BANK1: variants seen among roughly 807,000 people sequenced by gnomAD.
The protein encoded by BANK1 is B-cell scaffold protein with ankyrin repeats.
In BANK1, 95 loss-of-function variants were observed where a neutral mutation model predicts 94.5. The ratio of observed to expected loss-of-function variants is 1.00; its 90% CI spans 0.85 to 1.19. The LOEUF (loss-of-function observed/expected upper bound fraction) is 1.19, where lower values mean the gene tolerates loss of function less well. BANK1 is among the 50% of genes most tolerant of loss of function. BANK1 has a pLI of 0.00. For missense variants in BANK1, 987 were observed against 932.2 expected (o/e 1.06, Z -0.77); for synonymous variants, 334 against 308.4 (o/e 1.08, Z -0.87).
intron 7 of BANK1, among the ~76,000 whole-genome samples, chr4:101,960,136 G>A (rs1014681763): frequency 6.6e-6 from 1 of 152,060 alleles, no homozygotes; most frequent in Non-Finnish European, 1.5e-5. Flanking sequence ...TAAAAAACTA[G>A]GAGGGCATTT....
chr4:101,794,201 T>A (rs1271668017), intron 1 of BANK1, among the ~76,000 whole-genome samples: 4 of 152,082 alleles, frequency 2.6e-5, no homozygotes, highest in African/African-American at 7.2e-5. Context: ...TTCTCATATC[T>A]CAGAGTACCA....
chr4:101,922,649 G>A (rs139963982), intron 7 of BANK1, among the ~76,000 whole-genome samples: 7 of 151,736 alleles, frequency 4.6e-5, no homozygotes, highest in African/African-American at 9.7e-5. Context: ...GTTTAGTTTC[G>A]GAGACTTCAT....
chr4:101,798,007 A>G (rs1011296748), intron 1 of BANK1, among the ~76,000 whole-genome samples: 20 of 152,220 alleles, frequency 1.3e-4, no homozygotes, highest in African/African-American at 4.8e-4. Context: ...GAGAGGCTAA[A>G]AAGAAGGAAA....
intron 5 of BANK1, among the ~76,000 whole-genome samples, chr4:101,889,884 G>T (rs1028443037): frequency 1.3e-5 from 2 of 151,994 alleles, no homozygotes; most frequent in South Asian, 2.1e-4. Flanking sequence ...TCAGTTTAAT[G>T]TATTTTTAAA....
In BANK1 at chr4:101,862,581, A is replaced by G; in HGVS notation, c.680A>G (p.Glu227Gly). ...LRDEVIGDTVEVEFTSSNKRI... is the reference protein window; with the variant it reads ...LRDEVIGDTVGVEFTSSNKRI... ...GATGAAGTAATTGGTGATACTGTAGAGGTTGAATTTACATCAAGTAATAAG... is the reference window on the plus strand; with the variant it reads ...GATGAAGTAATTGGTGATACTGTAGGGGTTGAATTTACATCAAGTAATAAG... The change falls in exon 4 of 17, where the codon GAG becomes GGG. Residue 227 changes from glutamate (E) to glycine (G), a missense_variant. Coordinates refer to ENST00000322953, the MANE Select transcript of BANK1 (RefSeq NM_017935.5). 1.2e-6 allele frequency: 2 copies of G among 1,611,244 alleles called. No individual in the cohort carries two copies. The highest frequency in any genetic ancestry group is 2.7e-5 in the African/African-American group (2 of 74,928).
chr4:101,912,398 C>A (rs926202297), intron 6 of BANK1, among the ~76,000 whole-genome samples: 2 of 151,954 alleles, frequency 1.3e-5, no homozygotes, highest in African/African-American at 4.8e-5. Flanking sequence ...TGTTTTTATG[C>A]CTTCTTTCTG....
At chr4:102,048,107 G>A (rs573414830) in intron 11 of BANK1, among the ~76,000 whole-genome samples, 2 of 152,082 alleles carry the variant, frequency 1.3e-5, no homozygotes, top group Admixed American at 6.6e-5. Flanking sequence ...TTTTTTCTGT[G>A]TACATACTTA....
intron 7 of BANK1, among the ~76,000 whole-genome samples, chr4:101,994,845 G>T (rs1039335502): frequency 9.9e-5 from 15 of 152,130 alleles, no homozygotes; most frequent in African/African-American, 3.6e-4. Flanking sequence ...TCACAGCTGA[G>T]AAGCCAATCA....
At chr4:102,056,728 A>C (rs1017319824) in intron 11 of BANK1, among the ~76,000 whole-genome samples, 1 of 152,128 alleles carries the variant, frequency 6.6e-6, no homozygotes, top group African/African-American at 2.4e-5. Context: ...ATCAAATACC[A>C]GGTGTGGTGG....
Position 102,030,150 on chromosome 4 carries a change from G to C in BANK1, c.1785G>C (p.Leu595=). 1 of 1,614,036 alleles carries C rather than the reference G, an allele frequency of 6.2e-7. No homozygotes were observed. The change falls in exon 10 of 17, where the codon CTG becomes CTC. Residue 595 remains leucine (L), a synonymous_variant. Transcript: ENST00000322953. ...DSEYDMILAN[L]SIKKKTGSRS... ...AATATGACATGATATTGGCCAATCT[G>C]AGTATAAAGAAAAAAACTGGGAGTC...
rs149207295 is a variant in BANK1, at chr4:102,013,867, G to A, written c.1207-7647G>A. 7.8e-3 allele frequency among the ~76,000 whole-genome samples: 1,193 copies of A among 152,042 alleles called. 3 individuals carry two copies. The highest frequency in any genetic ancestry group is 0.014 in the Middle Eastern group (4 of 294). On this transcript the variant is annotated intron_variant, in intron 7 of 16. Transcript: ENST00000322953. ...CATAAAAATTATTTTTTAACAAAAC[G>A]ACAATTTTAAGGCAGATAATAGAGA...
At chr4:101,894,895 A>C (rs913634129) in intron 5 of BANK1, among the ~76,000 whole-genome samples, 4 of 152,040 alleles carry the variant, frequency 2.6e-5, no homozygotes, top group African/African-American at 9.6e-5. Context: ...CTTAAGTTGA[A>C]GAAAAAGACT....
At chr4:101,816,134 GT>G (rs1299378609) in intron 1 of BANK1, among the ~76,000 whole-genome samples, 1 of 152,132 alleles carries the variant, frequency 6.6e-6, no homozygotes, top group Non-Finnish European at 1.5e-5. Context: ...AGCTCTAAAA[GT>G]TTTCAGTGGG....
At chr4:101,934,240 TATTA>T (rs1315899373) in intron 7 of BANK1, among the ~76,000 whole-genome samples, 2 of 151,458 alleles carry the variant, frequency 1.3e-5, no homozygotes, top group Non-Finnish European at 3.0e-5. Context: ...AACAGCTTAG[TATTA>T]ATTTTTTTTT....
rs184609940 is a variant in BANK1 at position 101,906,496 on chromosome 4, T to A, written c.1009+11086T>A. ...TTTTTGCCCAGTGTCCTCTGGAAAA[T>A]AAAGATCTGGAGGGTCTTTTTCTTC... On this transcript the variant is annotated intron_variant, in intron 6 of 16. Coordinates refer to ENST00000322953, the MANE Select transcript of BANK1 (RefSeq NM_017935.5). Among the ~76,000 whole-genome samples the A allele has an allele frequency of 3.9e-3, 590 of 152,150 alleles. 8 individuals are homozygous for A. Among genetic ancestry groups the A allele is most frequent in the African/African-American group, 0.014 (564 of 41,514 alleles).
In BANK1 at chr4:101,826,707, G is replaced by A. The variant is rs78097401; in HGVS notation, c.71-3101G>A. ...CACAGAATAACAGAACTATATTGAT[G>A]ATTCATATACAACTTACGTGTGATT... On this transcript the variant is annotated intron_variant, in intron 1 of 16. Coordinates refer to ENST00000322953, the MANE Select transcript of BANK1 (RefSeq NM_017935.5). Among the ~76,000 whole-genome samples the A allele has an allele frequency of 5.2e-3, 796 of 152,016 alleles. 13 individuals are homozygous for A. The East Asian group carries it at 0.06, about 12-fold the overall frequency.
At chr4:101,981,711 C>A (rs1725329931) in intron 7 of BANK1, among the ~76,000 whole-genome samples, 1 of 151,984 alleles carries the variant, frequency 6.6e-6, no homozygotes, top group Admixed American at 6.6e-5. Context: ...CTGCTTTCTT[C>A]ATCATTTTTT....
rs1453898044 is a variant in BANK1, at chr4:102,058,567, A to T, written c.1970-1644A>T. Among the ~76,000 whole-genome samples the T allele has an allele frequency of 7.2e-5, 11 of 152,112 alleles. 1 individual carries two copies. The highest frequency in any genetic ancestry group is 7.2e-4 in the Admixed American group (11 of 15,270). On this transcript the variant is annotated intron_variant, in intron 11 of 16. Coordinates refer to ENST00000322953, the MANE Select transcript of BANK1 (RefSeq NM_017935.5). ...AGAAATCTTGTAAACCCTACCAAAA[A>T]TTACAGGTTGCATGTTTTGGTTTGA...
At chr4:101,828,320 GC>G (rs1362306785) in intron 1 of BANK1, among the ~76,000 whole-genome samples, 1 of 149,964 alleles carries the variant, frequency 6.7e-6, no homozygotes, top group African/African-American at 2.4e-5. Context: ...AAGTCATATA[GC>G]TTTTGCAGGT....
Sources: gnomAD v4.1 joint callset for allele counts (sites outside exome capture counted in the v4.1 genomes callset) on GRCh38, gnomAD v4.1.1 for gene constraint, MANE v1.5 for transcripts, NCBI Gene and HGNC (gene_info 2026-07-23, HGNC 2026-07-21) for gene names.